KPNA1: variants seen among roughly 807,000 people sequenced by gnomAD.
KPNA1 encodes the protein importin subunit alpha-5.
KPNA1 carries 10 observed loss-of-function variants against 70.5 expected under a neutral mutation model. That is an observed-to-expected ratio of 0.14 (90% CI 0.09 to 0.24). The LOEUF is 0.24. Ranked by LOEUF, KPNA1 falls within the 10% of genes least tolerant of loss-of-function variation. The probability of loss-of-function intolerance (pLI) is 1.00; values close to 1 mark genes in which losing one functional copy is unlikely to be tolerated. For missense variants in KPNA1, 397 were observed against 637.9 expected (o/e 0.62, Z 4.07); for synonymous variants, 192 against 221.9 (o/e 0.87, Z 1.20).
chr3:122,426,946 GC>G lies in KPNA1; in HGVS notation c.*38del, dbSNP rs2075830707. On this transcript the variant is annotated 3_prime_UTR_variant, in exon 14 of 14. Coordinates refer to ENST00000344337, the MANE Select transcript of KPNA1 (RefSeq NM_002264.4). The stretch of plus-strand genomic sequence containing the variant: ...CTCCACAAGAGGACTCGACTGGGTA[GC>G]CTGGTCTGACACAGGTACGTGAAAG... 1 of 1,554,212 alleles carries G rather than the reference GC, an allele frequency of 6.4e-7. No homozygotes were observed. The highest frequency in any genetic ancestry group is 1.4e-5 in the African/African-American group (1 of 73,726).
At chr3:122,499,431 T>A (rs2076799757) in intron 1 of KPNA1, among the ~76,000 whole-genome samples, 1 of 147,298 alleles carries the variant, frequency 6.8e-6, no homozygotes, top group African/African-American at 2.5e-5. Flanking sequence ...TCTATTGATA[T>A]CACAATGTGA....
Position 122,430,559 on chromosome 3 carries a change from CTGTGTG to C in KPNA1, c.1251-2849_1251-2844del, listed in dbSNP as rs113921259. ...GTGTGTGTGTGGTTTCTCAAATAAACTGTGTGTGTGTGTGTGTGTGTGGTTTCTCAG... is the reference window on the plus strand; with the variant it reads ...GTGTGTGTGTGGTTTCTCAAATAAACTGTGTGTGTGTGTGTGGTTTCTCAG... On this transcript the variant is annotated intron_variant, in intron 12 of 13. Coordinates refer to ENST00000344337, the MANE Select transcript of KPNA1 (RefSeq NM_002264.4). 1.3e-4 allele frequency among the ~76,000 whole-genome samples: 19 copies of C among 145,114 alleles called. No individual in the cohort carries two copies. The South Asian group carries it at 1.6e-3, about 12-fold the overall frequency.
chr3:122,478,387 T>G (rs1207829806), intron 2 of KPNA1, among the ~76,000 whole-genome samples: 1 of 151,926 alleles, frequency 6.6e-6, no homozygotes, highest in East Asian at 1.9e-4. Flanking sequence ...TTTGGGAGGC[T>G]GAGGTGGGTG....
chr3:122,510,782 G>GTAGCTT (rs1023863793), intron 1 of KPNA1, among the ~76,000 whole-genome samples: 66 of 152,282 alleles, frequency 4.3e-4, no homozygotes, highest in Middle Eastern at 3.4e-3. Context: ...AAAGAAAATG[G>GTAGCTT]TAGCTTTTCA....
intron 3 of KPNA1, among the ~76,000 whole-genome samples, chr3:122,465,435 G>A (rs1205909325): frequency 3.9e-5 from 6 of 152,146 alleles, no homozygotes; most frequent in East Asian, 3.8e-4. Flanking sequence ...TGACTATCTC[G>A]TGTAATTTAC....
rs556812805 is a variant in KPNA1 at position 122,464,518 on chromosome 3, C to T, written c.238-477G>A. On this transcript the variant is annotated intron_variant, in intron 3 of 13. Coordinates refer to ENST00000344337, the MANE Select transcript of KPNA1 (RefSeq NM_002264.4). ...CTTCCTTGTAAGCCCAAGACCCTGT[C>T]TGTCTTACTCTATCACTAAGGGCTG... Among the ~76,000 whole-genome samples, 7 of 152,310 alleles carry T rather than the reference C, an allele frequency of 4.6e-5. No homozygotes were observed. The South Asian group carries it at 1.2e-3, about 27-fold the overall frequency.
chr3:122,467,994 A>G (rs2076400087), intron 2 of KPNA1, among the ~76,000 whole-genome samples: 1 of 152,210 alleles, frequency 6.6e-6, no homozygotes, highest in African/African-American at 2.4e-5. Flanking sequence ...TCAGCCAACG[A>G]GGGTGATTAC....
intron 5 of KPNA1, chr3:122,457,797 T>G (rs2076280123): frequency 7.8e-7 from 1 of 1,289,870 alleles, no homozygotes; most frequent in Non-Finnish European, 1.0e-6. Flanking sequence ...AGGACTCTGT[T>G]GCTGGCCACT....
At chr3:122,510,124 T>C (rs1315881078) in intron 1 of KPNA1, among the ~76,000 whole-genome samples, 1 of 152,148 alleles carries the variant, frequency 6.6e-6, no homozygotes. Flanking sequence ...CCCAGACAAA[T>C]TACTGATCAA....
At chr3:122,482,000 TA>T (rs1327256500) in intron 2 of KPNA1, among the ~76,000 whole-genome samples, 1 of 152,090 alleles carries the variant, frequency 6.6e-6, no homozygotes, top group Admixed American at 6.5e-5. Context: ...TACATAGAAA[TA>T]AAAACTTTTT....
At chr3:122,484,692 A>G (rs2076609653) in intron 2 of KPNA1, among the ~76,000 whole-genome samples, 1 of 148,516 alleles carries the variant, frequency 6.7e-6, no homozygotes. Flanking sequence ...AAAGCAAAGG[A>G]AAGGAAGAAA....
chr3:122,424,035 A>G lies in KPNA1; in HGVS notation c.*2950T>C, dbSNP rs1229578770. On this transcript the variant is annotated 3_prime_UTR_variant, in exon 14 of 14. Transcript: ENST00000344337. Reference sequence around the variant, plus strand: ...CATCTACCTTACCCAAAATTTCTCAATCCAACCACATCTACCTGCTGGTCC... The same window carrying G: ...CATCTACCTTACCCAAAATTTCTCAGTCCAACCACATCTACCTGCTGGTCC... The G allele has an allele frequency of 6.6e-6, 1 of 152,158 alleles. No homozygotes were observed. 9.4% of individuals were successfully genotyped at this position (152,158 alleles called of 1,614,324 possible). A position where few individuals can be genotyped will look rare whatever the true frequency, so the allele number is the denominator to read the frequency against.
rs1175008140 is a variant in KPNA1, at chr3:122,422,432, GA to G, written c.*4552del. 1 of 151,782 alleles carries G rather than the reference GA, an allele frequency of 6.6e-6. No individual in the cohort carries two copies. Among genetic ancestry groups the G allele is most frequent in the African/African-American group, 2.4e-5 (1 of 41,294 alleles). 9.4% of individuals were successfully genotyped at this position (151,782 alleles called of 1,614,324 possible). ...ACAGAAGAGGAAAGATGTTTGGCCT[GA>G]GAGGGCCTACACTCCAGTCTGTGTA... On this transcript the variant is annotated 3_prime_UTR_variant, in exon 14 of 14. Coordinates refer to ENST00000344337, the MANE Select transcript of KPNA1 (RefSeq NM_002264.4).
intron 6 of KPNA1, among the ~76,000 whole-genome samples, chr3:122,453,572 C>T (rs775261795): frequency 6.6e-6 from 1 of 151,700 alleles, no homozygotes; most frequent in Non-Finnish European, 1.5e-5. Flanking sequence ...GTCTTGCTCT[C>T]GTCACCCAGG....
intron 9 of KPNA1, among the ~76,000 whole-genome samples, chr3:122,448,420 A>C (rs1362399701): frequency 6.6e-6 from 1 of 152,250 alleles, no homozygotes; most frequent in Non-Finnish European, 1.5e-5. Context: ...GCCATAAAAA[A>C]GGATGAGTTC....
intron 9 of KPNA1, among the ~76,000 whole-genome samples, chr3:122,444,639 A>T (rs1183315249): frequency 1.3e-5 from 2 of 152,190 alleles, no homozygotes; most frequent in Non-Finnish European, 2.9e-5. Context: ...GGGCCGAGAG[A>T]CACCTCATAC....
intron 3 of KPNA1, among the ~76,000 whole-genome samples, chr3:122,464,680 G>A (rs879711908): frequency 6.6e-6 from 1 of 152,156 alleles, no homozygotes; most frequent in Admixed American, 6.5e-5. Context: ...AAACTTTCCA[G>A]TTTCCCACTA....
rs555593690 is a variant in KPNA1, at chr3:122,447,671, A to G, written c.917+1903T>C. On this transcript the variant is annotated intron_variant, in intron 9 of 13. Coordinates refer to ENST00000344337, the MANE Select transcript of KPNA1 (RefSeq NM_002264.4). ...CAACACAGCACTGGAAGTTCTGGCC[A>G]GGGCAATCAGGTAAGAGAAAGAAAT... 4.6e-5 allele frequency among the ~76,000 whole-genome samples: 7 copies of G among 152,332 alleles called. No individual in the cohort carries two copies. In the East Asian group the frequency reaches 1.3e-3, roughly 29 times the overall value.
chr3:122,452,541 G>A (rs986408063), intron 6 of KPNA1, among the ~76,000 whole-genome samples: 10 of 40,800 alleles, frequency 2.5e-4, no homozygotes, highest in Non-Finnish European at 2.8e-4. Context: ...AGGGAAGGAG[G>A]GAAGGAGGGA....
Sources: allele counts gnomAD v4.1 joint callset (sites outside exome capture counted in the v4.1 genomes callset), GRCh38; gene constraint gnomAD v4.1.1; transcripts MANE v1.5; gene names NCBI Gene and HGNC (gene_info 2026-07-23, HGNC 2026-07-21).